Variants in PCDHGB3 observed in about 807,000 individuals in gnomAD.
PCDHGB3 encodes the protein protocadherin gamma subfamily B, 3, also known as protocadherin gamma-B3.
Under a neutral mutation model 59.2 loss-of-function variants are expected in PCDHGB3, and 40 were observed. The observed-to-expected ratio is 0.68, with a 90% CI of 0.52 to 0.88. The LOEUF is 0.88. Ranked by LOEUF, PCDHGB3 falls within the 40% of genes least tolerant of loss-of-function variation. PCDHGB3 has a pLI of 0.00. For missense variants in PCDHGB3, 1,309 were observed against 1,187.9 expected (o/e 1.10, Z -1.50); for synonymous variants, 581 against 503.6 (o/e 1.15, Z -2.06).
At chr5:141,409,752 A>T in intron 1 of PCDHGB3, 3 of 1,613,020 alleles carry the variant, frequency 1.9e-6, no homozygotes, top group Non-Finnish European at 2.5e-6. Context: ...GTGTTCGCGC[A>T]GCGCGCCTTT....
chr5:141,498,254 G>A (rs550611179), intron 2 of PCDHGB3, among the ~76,000 whole-genome samples: 2 of 152,338 alleles, frequency 1.3e-5, no homozygotes, highest in East Asian at 3.9e-4. Context: ...AGCAGGGCTG[G>A]TGTTGAGTTC....
At chr5:141,394,493 C>G in intron 1 of PCDHGB3, 1 of 1,614,222 alleles carries the variant, frequency 6.2e-7, no homozygotes, top group Non-Finnish European at 8.5e-7. Flanking sequence ...ACAACGCGCC[C>G]GAGATCCTGT....
chr5:141,388,433 A>G, intron 1 of PCDHGB3: 1 of 1,613,878 alleles, frequency 6.2e-7, no homozygotes, highest in Non-Finnish European at 8.5e-7. Flanking sequence ...TGATAAATAA[A>G]GAGAAATCAG....
chr5:141,505,634 A>T, intron 3 of PCDHGB3, 153 bp downstream of exon 3: 6 of 971,426 alleles, frequency 6.2e-6, no homozygotes, highest in Non-Finnish European at 7.3e-6. Context: ...CCAAACATAA[A>T]GCCTGGAATT....
rs376221362 is a variant in PCDHGB3, at chr5:141,389,239, A to G, written c.2415+16430A>G. 8.2e-5 allele frequency: 132 copies of G among 1,614,008 alleles called. No homozygotes were observed. The highest frequency in any genetic ancestry group is 6.6e-4 in the Middle Eastern group (4 of 6,062). ...AATGACAACGCTCCGGTTTTCTCAC[A>G]GTCTTCCTATATAGTCCACGTGGCC... On this transcript the variant is annotated intron_variant, in intron 1 of 3. Coordinates refer to ENST00000576222, the MANE Select transcript of PCDHGB3 (RefSeq NM_018924.5).
At chr5:141,504,517 T>C (rs1057166865) in intron 2 of PCDHGB3, among the ~76,000 whole-genome samples, 5 of 151,918 alleles carry the variant, frequency 3.3e-5, no homozygotes, top group African/African-American at 1.2e-4. Context: ...TCTCCTCTGA[T>C]ATATTTTATT....
intron 1 of PCDHGB3, among the ~76,000 whole-genome samples, chr5:141,425,778 C>G (rs2096893107): frequency 6.6e-6 from 1 of 152,160 alleles, no homozygotes; most frequent in African/African-American, 2.4e-5. Flanking sequence ...AAGACTTTGC[C>G]TAGTTCTTCC....
chr5:141,386,226 C>T (rs1164415292), intron 1 of PCDHGB3, among the ~76,000 whole-genome samples: 1 of 152,142 alleles, frequency 6.6e-6, no homozygotes, highest in Non-Finnish European at 1.5e-5. Flanking sequence ...ATTAGGTCTA[C>T]TGAAAAATTC....
chr5:141,425,695 T>C (rs1329762653), intron 1 of PCDHGB3, among the ~76,000 whole-genome samples: 1 of 152,232 alleles, frequency 6.6e-6, no homozygotes, highest in Non-Finnish European at 1.5e-5. Context: ...TATCATTTCA[T>C]AGTGGTCAAA....
At chr5:141,421,320 G>T (rs1561793188) in intron 1 of PCDHGB3, 2 of 1,613,786 alleles carry the variant, frequency 1.2e-6, no homozygotes, top group Non-Finnish European at 1.7e-6. Flanking sequence ...GGGCCAGGCA[G>T]ATCCGATATT....
In PCDHGB3 at chr5:141,462,600, A is replaced by G. The variant is rs2154567827; in HGVS notation, c.2416-32207A>G. ...ATCCAGTGAAGTTTCCATTTCATAT[A>G]TTGTATTTTTCACTTTTAGAAGTTC... is the stretch of plus-strand genomic sequence containing the variant. On this transcript the variant is annotated intron_variant, in intron 1 of 3. Coordinates refer to ENST00000576222, the MANE Select transcript of PCDHGB3 (RefSeq NM_018924.5). Among the ~76,000 whole-genome samples, 6 of 152,076 alleles carry G rather than the reference A, an allele frequency of 3.9e-5. No homozygotes were observed. In the Middle Eastern group the frequency reaches 0.014, roughly 345 times the overall value.
intron 1 of PCDHGB3, among the ~76,000 whole-genome samples, chr5:141,448,476 G>A (rs1002358317): frequency 1.3e-5 from 2 of 151,976 alleles, no homozygotes; most frequent in African/African-American, 4.8e-5. Flanking sequence ...TTCCACCCTT[G>A]CTTCCTCCTG....
At position 141,403,413 on chromosome 5, in the gene PCDHGB3, T is replaced by G. The variant is rs1467852757; in HGVS notation, c.2415+30604T>G. The G allele has an allele frequency of 1.2e-6, 2 of 1,613,928 alleles. No individual in the cohort carries two copies. Among genetic ancestry groups the G allele is most frequent in the African/African-American group, 2.7e-5 (2 of 74,948 alleles). ...GCGGTTCCTGGAGCACGTTATCCACTTCCAGAAGCTATTGATCCGGATGTT... is the reference window on the plus strand; with the variant it reads ...GCGGTTCCTGGAGCACGTTATCCACGTCCAGAAGCTATTGATCCGGATGTT... On this transcript the variant is annotated intron_variant, in intron 1 of 3. Transcript: ENST00000576222.
intron 1 of PCDHGB3, among the ~76,000 whole-genome samples, chr5:141,473,910 A>G (rs1165685707): frequency 6.6e-6 from 1 of 152,168 alleles, no homozygotes; most frequent in Non-Finnish European, 1.5e-5. Flanking sequence ...AAGAGGTCTT[A>G]AGAAAACTAT....
chr5:141,420,256 T>C (rs377440259), intron 1 of PCDHGB3: 2 of 1,569,010 alleles, frequency 1.3e-6, no homozygotes, highest in Non-Finnish European at 1.7e-6. Flanking sequence ...TTGAAGCAGA[T>C]AAGAAGATTC....
rs563145930 is a variant in PCDHGB3 at position 141,392,984 on chromosome 5, GA to G, written c.2415+20177del. 408 of 1,613,914 alleles carry G rather than the reference GA, an allele frequency of 2.5e-4. 2 individuals carry two copies. In the African/African-American group the frequency reaches 4.6e-3, roughly 18 times the overall value. On this transcript the variant is annotated intron_variant, in intron 1 of 3. Transcript: ENST00000576222. The stretch of plus-strand genomic sequence containing the variant: ...CCAAGGACCTGGGGCTGGACCCCCG[GA>G]AGCTGGCGAAGCACGGAGTCCGTAT...
At chr5:141,446,132 TA>T (rs1252851903) in intron 1 of PCDHGB3, among the ~76,000 whole-genome samples, 1 of 152,204 alleles carries the variant, frequency 6.6e-6, no homozygotes, top group African/African-American at 2.4e-5. Context: ...CAATAAGACT[TA>T]ATAATGGAAT....
intron 1 of PCDHGB3, among the ~76,000 whole-genome samples, chr5:141,456,765 C>A (rs1468235444): frequency 2.0e-5 from 3 of 151,852 alleles, no homozygotes; most frequent in Non-Finnish European, 2.9e-5. Context: ...GAGTTTGAGA[C>A]CAGCCTGGCC....
chr5:141,400,076 T>C, intron 1 of PCDHGB3: 2 of 1,613,932 alleles, frequency 1.2e-6, no homozygotes, highest in Non-Finnish European at 1.7e-6. Context: ...CAGCCGCCAC[T>C]CTCCGCCACC....
Sources: allele counts gnomAD v4.1 joint callset (sites outside exome capture counted in the v4.1 genomes callset), GRCh38; gene constraint gnomAD v4.1.1; transcripts MANE v1.5; gene names NCBI Gene and HGNC (gene_info 2026-07-23, HGNC 2026-07-21).